Variants in STK32A observed in about 807,000 individuals in gnomAD.
STK32A encodes the protein serine/threonine kinase 32A.
In STK32A, 41 loss-of-function variants were observed where a neutral mutation model predicts 53.2. The ratio of observed to expected loss-of-function variants is 0.77; its 90% CI spans 0.60 to 1.00. The LOEUF is 1.00. STK32A is among the 50% of genes least tolerant of loss of function. The pLI, the probability that STK32A is intolerant of heterozygous loss-of-function variation, is 0.00. For synonymous variants in STK32A, 166 were observed against 162.8 expected (o/e 1.02, Z -0.15); for missense variants, 458 against 485.8 (o/e 0.94, Z 0.54).
chr5:147,357,805 G>T (rs993983644), intron 7 of STK32A, among the ~76,000 whole-genome samples: 1 of 151,906 alleles, frequency 6.6e-6, no homozygotes, highest in East Asian at 1.9e-4. Context: ...ATTTTTGTAT[G>T]ATTATTAAAT....
At chr5:147,241,978 G>T (rs893392454) in intron 2 of STK32A, among the ~76,000 whole-genome samples, 11 of 152,272 alleles carry the variant, frequency 7.2e-5, no homozygotes, top group African/African-American at 2.4e-4. Flanking sequence ...TTGTTCTTGC[G>T]GGATGCCCAA....
intron 5 of STK32A, among the ~76,000 whole-genome samples, chr5:147,340,219 T>A (rs1755338517): frequency 6.6e-6 from 1 of 152,190 alleles, no homozygotes; most frequent in Non-Finnish European, 1.5e-5. Context: ...GGGGTCTTTG[T>A]GACCTGTACC....
rs774221294 is a variant in STK32A at position 147,361,612 on chromosome 5, C to T, written c.658C>T (p.Arg220Trp). The T allele has an allele frequency of 4.4e-6, 7 of 1,603,906 alleles. No homozygotes were observed. The highest frequency in any genetic ancestry group is 2.2e-5 in the East Asian group (1 of 44,832). ...GACGGCATATGAACTGCTGAGAGGC[C>T]GGGTACTGTAGTAGCATTTCCTCTT... ...GVTAYELLRGRRPYHIRSSTS... is the reference protein window; with the variant it reads ...GVTAYELLRGWRPYHIRSSTS... Residue 220 changes from arginine (R) to tryptophan (W), a missense_variant and splice_region_variant, in exon 8 of 13, where the codon CGG (arginine) becomes TGG (tryptophan). Physicochemically the swap from Arg to Trp is moderately radical, Grantham distance 101 (BLOSUM62 -3). Transcript: ENST00000397936.
At chr5:147,342,954 G>T (rs987183546) in intron 5 of STK32A, 52 bp from the exon 6 acceptor site, 4 of 1,595,462 alleles carry the variant, frequency 2.5e-6, no homozygotes, top group Non-Finnish European at 3.4e-6. Flanking sequence ...CTACCCCTTA[G>T]TTCTGTTCGT....
chr5:147,343,539 A>G (rs1755542864), intron 6 of STK32A, among the ~76,000 whole-genome samples: 1 of 152,220 alleles, frequency 6.6e-6, no homozygotes, highest in African/African-American at 2.4e-5. Flanking sequence ...ACTTAATATC[A>G]CAGAAGAATT....
intron 7 of STK32A, among the ~76,000 whole-genome samples, chr5:147,356,775 A>C (rs1756268909): frequency 1.3e-5 from 2 of 152,178 alleles, no homozygotes; most frequent in South Asian, 4.1e-4. Context: ...TGGGATGGCC[A>C]ACCAGTATAG....
At chr5:147,241,955 A>G (rs774946643) in intron 2 of STK32A, among the ~76,000 whole-genome samples, 1 of 152,334 alleles carries the variant, frequency 6.6e-6, no homozygotes, top group South Asian at 2.1e-4. Flanking sequence ...CTCTTCCTTG[A>G]TTCAGCCAGG....
chr5:147,243,128 G>T (rs1753649310), intron 2 of STK32A, among the ~76,000 whole-genome samples: 2 of 53,490 alleles, frequency 3.7e-5, no homozygotes, highest in South Asian at 8.8e-4. Flanking sequence ...TTTTTAAAAA[G>T]ATTTTTTAAA....
At chr5:147,300,596 C>G (rs532541960) in intron 4 of STK32A, among the ~76,000 whole-genome samples, 2 of 152,174 alleles carry the variant, frequency 1.3e-5, no homozygotes, top group Non-Finnish European at 2.9e-5. Flanking sequence ...AGGGCTAAGG[C>G]CTTTGGCTTC....
intron 1 of STK32A, among the ~76,000 whole-genome samples, chr5:147,238,788 TAAAG>T (rs1281586445): frequency 3.5e-5 from 5 of 144,382 alleles, no homozygotes; most frequent in Non-Finnish European, 7.7e-5. Flanking sequence ...ACTCAATATA[TAAAG>T]AGTTATATAA....
intron 2 of STK32A, among the ~76,000 whole-genome samples, chr5:147,265,008 C>T (rs188594595): frequency 6.6e-6 from 1 of 151,412 alleles, no homozygotes; most frequent in African/African-American, 2.4e-5. Flanking sequence ...AAATATGAAT[C>T]GTGGTTATCT....
intron 5 of STK32A, among the ~76,000 whole-genome samples, chr5:147,333,979 A>T (rs1380917258): frequency 1.3e-5 from 2 of 152,212 alleles, no homozygotes; most frequent in African/African-American, 4.8e-5. Context: ...AACATTATAT[A>T]TAAGAAAGCA....
intron 2 of STK32A, among the ~76,000 whole-genome samples, chr5:147,241,377 G>A (rs1344287314): frequency 6.6e-6 from 1 of 152,190 alleles, no homozygotes; most frequent in African/African-American, 2.4e-5. Flanking sequence ...TACTCGGGAG[G>A]CTGAGGCAGG....
chr5:147,264,935 T>C (rs536176844), intron 2 of STK32A, among the ~76,000 whole-genome samples: 1 of 151,996 alleles, frequency 6.6e-6, no homozygotes, highest in South Asian at 2.1e-4. Context: ...TATATAAAGA[T>C]ATAGATAGTT....
rs984298293 is a variant in STK32A, at chr5:147,355,792, G to GTGTGTGTATATA, written c.562+4639_562+4640insGTGTGTATATAT. On this transcript the variant is annotated intron_variant, in intron 7 of 12. Coordinates refer to ENST00000397936, the MANE Select transcript of STK32A (RefSeq NM_001112724.2). The stretch of plus-strand genomic sequence containing the variant: ...TATGTATGTGTGTGAGTGTGTGTGT[G>GTGTGTGTATATA]TATATATATATATATATATAAATAA... Among the ~76,000 whole-genome samples the GTGTGTGTATATA allele has an allele frequency of 1.0e-4, 15 of 147,848 alleles. No homozygotes were observed. In the East Asian group the frequency reaches 2.7e-3, roughly 27 times the overall value.
At chr5:147,326,955 G>A (rs1249326208) in intron 5 of STK32A, among the ~76,000 whole-genome samples, 1 of 152,152 alleles carries the variant, frequency 6.6e-6, no homozygotes, top group African/African-American at 2.4e-5. Flanking sequence ...CTGGGCTCAA[G>A]CAATCCTCCT....
At chr5:147,400,715 A>T in the STK32A span, 1 of 1,614,102 alleles carries the variant, frequency 6.2e-7, no homozygotes, top group Non-Finnish European at 8.5e-7. Context: ...CAGATGACAG[A>T]CATCCGCTCC....
chr5:147,397,565 A>T, the STK32A span: 1 of 1,229,894 alleles, frequency 8.1e-7, no homozygotes, highest in Non-Finnish European at 1.1e-6. Flanking sequence ...TTTCTCTGTG[A>T]GAGTCTAGAG....
Position 147,324,084 on chromosome 5 carries a change from C to T in STK32A, c.434+13C>T. ...GCATCATTCACAGGTCAGTCAAGTC[C>T]AAGGAGATGGCCATGAACGTAACGC... On this transcript the variant is annotated intron_variant, in intron 5 of 12. Transcript: ENST00000397936. The T allele has an allele frequency of 6.3e-7, 1 of 1,590,938 alleles. No individual in the cohort carries two copies. The highest frequency in any genetic ancestry group is 2.3e-5 in the East Asian group (1 of 44,166).
Sources: gnomAD v4.1 joint callset for allele counts (sites outside exome capture counted in the v4.1 genomes callset) on GRCh38, gnomAD v4.1.1 for gene constraint, MANE v1.5 for transcripts, NCBI Gene and HGNC (gene_info 2026-07-23, HGNC 2026-07-21) for gene names.